Variants in MYO9B observed in about 807,000 individuals in gnomAD.
MYO9B encodes the protein unconventional myosin-IXb.
In MYO9B, 71 loss-of-function variants were observed where a neutral mutation model predicts 229.5. That is an observed-to-expected ratio of 0.31 (90% CI 0.26 to 0.38). The LOEUF (loss-of-function observed/expected upper bound fraction) is 0.38, where lower values mean the gene tolerates loss of function less well. Among genes scored for constraint, MYO9B ranks in the 10% least tolerant of loss-of-function variants. The pLI is 1.00. For synonymous variants in MYO9B, 1,185 were observed against 1,235.8 expected, an observed-to-expected ratio of 0.96 and a Z score of 0.86; for missense variants, 2,255 against 2,920.5, an observed-to-expected ratio of 0.77 and a Z score of 5.25.
At chr19:17,154,294 A>G (rs748012862) in intron 5 of MYO9B, 21 bp from the exon 6 acceptor site, 13 of 1,606,132 alleles carry the variant, frequency 8.1e-6, no homozygotes, top group South Asian at 1.1e-5. Flanking sequence ...TGCCCAGAGT[A>G]CCCATGCCTT....
intron 1 of MYO9B, among the ~76,000 whole-genome samples, chr19:17,098,933 C>CAA (rs1216087632): frequency 7.5e-4 from 49 of 65,688 alleles, no homozygotes; most frequent in African/African-American, 2.4e-3. Context: ...AAGACCCTGA[C>CAA]AAAAAAAAAA....
At chr19:17,210,250 G>T in intron 36 of MYO9B, 83 bp from the exon 37 acceptor site, 1 of 1,387,254 alleles carries the variant, frequency 7.2e-7, no homozygotes. Flanking sequence ...CCCTATCTTG[G>T]TACCGGTCAT....
At chr19:17,165,080 G>A (rs1320990216) in intron 10 of MYO9B, among the ~76,000 whole-genome samples, 1 of 152,088 alleles carries the variant, frequency 6.6e-6, no homozygotes, top group African/African-American at 2.4e-5. Flanking sequence ...ATGTTGCCCA[G>A]GCTGGTCCTG....
At position 17,209,668 on chromosome 19, in the gene MYO9B, A is replaced by C. The variant is rs768812015; in HGVS notation, c.5707A>C (p.Ser1903Arg). ...GATCAGCCAACTGGAGGCTGCAGAG[A>C]GTATCGCCTTCCGCAGGCTTTCGCT... ...EEISQLEAAE[S>R]IAFRRLSLLR... Residue 1903 changes from serine (S) to arginine (R), a missense_variant, in exon 36 of 40, where the codon AGT becomes CGT. This residue lies in a region of MYO9B where 416 missense variants were observed against 605.5 expected (regional missense o/e 0.69). Coordinates refer to ENST00000682292, the MANE Select transcript of MYO9B (RefSeq NM_004145.4). 4 of 1,613,058 alleles carry C rather than the reference A, an allele frequency of 2.5e-6. No individual in the cohort carries two copies. In the East Asian group the frequency reaches 8.9e-5, roughly 36 times the overall value.
intron 4 of MYO9B, 59 bp downstream of exon 4, chr19:17,152,765 AC>A: frequency 1.4e-6 from 2 of 1,441,686 alleles, no homozygotes; most frequent in Non-Finnish European, 1.9e-6. Flanking sequence ...GTTTCCTCCT[AC>A]AGAGGAGAGA....
rs188749358 is a variant in MYO9B at position 17,084,829 on chromosome 19, C to T, written c.-59+8955C>T. Reference sequence around the variant, plus strand: ...CTGAGGCAAAACAATCGCTTGAACCCGGGAGGTGGAGGTTGCAGTGAGCCA... The same window carrying T: ...CTGAGGCAAAACAATCGCTTGAACCTGGGAGGTGGAGGTTGCAGTGAGCCA... On this transcript the variant is annotated intron_variant, in intron 1 of 39. Transcript: ENST00000682292. 7.9e-5 allele frequency among the ~76,000 whole-genome samples: 12 copies of T among 151,934 alleles called. No homozygotes were observed. In the East Asian group the frequency reaches 1.6e-3, roughly 20 times the overall value.
chr19:17,179,184 A>G (rs1228485441), intron 14 of MYO9B, among the ~76,000 whole-genome samples: 1 of 152,070 alleles, frequency 6.6e-6, no homozygotes, highest in East Asian at 1.9e-4. Flanking sequence ...CCCCCAAGTC[A>G]TGGCAACCAC....
chr19:17,168,799 C>T (rs991932123), intron 11 of MYO9B, among the ~76,000 whole-genome samples: 35 of 151,680 alleles, frequency 2.3e-4, no homozygotes, highest in African/African-American at 7.1e-4. Flanking sequence ...ACAGGATTGG[C>T]GAGTTGTTAC....
intron 1 of MYO9B, among the ~76,000 whole-genome samples, chr19:17,090,109 G>GCTTC (rs1211223762): frequency 2.4e-5 from 3 of 124,246 alleles, no homozygotes; most frequent in African/African-American, 6.1e-5. Context: ...ATGAATCGGT[G>GCTTC]CTTCCTTCCT....
chr19:17,087,540 C>CA (rs1406226903), intron 1 of MYO9B, among the ~76,000 whole-genome samples: 10 of 152,310 alleles, frequency 6.6e-5, no homozygotes, highest in Admixed American at 2.6e-4. Flanking sequence ...CTGAGTGTTC[C>CA]ACTCAAGGTG....
At chr19:17,131,865 ATTT>A (rs2072200555) in intron 2 of MYO9B, among the ~76,000 whole-genome samples, 1 of 133,508 alleles carries the variant, frequency 7.5e-6, no homozygotes, top group Non-Finnish European at 1.6e-5. Flanking sequence ...GGTTTTTAAA[ATTT>A]TTCTTTAATT....
chr19:17,187,829 TG>T, intron 18 of MYO9B, 105 bp from the exon 19 acceptor site: 1 of 891,708 alleles, frequency 1.1e-6, no homozygotes, highest in Non-Finnish European at 1.7e-6. Context: ...AGTGGTCGCA[TG>T]GGGAAGTGCC....
intron 2 of MYO9B, among the ~76,000 whole-genome samples, chr19:17,129,066 A>G (rs1198165670): frequency 2.0e-5 from 3 of 152,028 alleles, no homozygotes; most frequent in Non-Finnish European, 2.9e-5. Flanking sequence ...AGGGGGGTGG[A>G]GGCTTCACCC....
At chr19:17,206,650 C>A in intron 33 of MYO9B, 29 bp from the exon 34 acceptor site, 1 of 1,540,668 alleles carries the variant, frequency 6.5e-7, no homozygotes, top group Non-Finnish European at 8.8e-7. Flanking sequence ...CCCTTGGGAG[C>A]TGACGTCCTC....
At chr19:17,156,833 G>A (rs1282795599) in intron 6 of MYO9B, 76 bp from the exon 7 acceptor site, 1 of 1,507,844 alleles carries the variant, frequency 6.6e-7, no homozygotes, top group African/African-American at 1.4e-5. Flanking sequence ...TATGGATTCA[G>A]CCCGGTTCCC....
intron 1 of MYO9B, among the ~76,000 whole-genome samples, chr19:17,090,852 TC>T (rs1411017790): frequency 1.3e-5 from 2 of 152,168 alleles, no homozygotes; most frequent in African/African-American, 4.8e-5. Context: ...CACAGGGACT[TC>T]AGGTCCCTGG....
intron 20 of MYO9B, 145 bp downstream of exon 20, chr19:17,191,364 T>C (rs959089366): frequency 7.9e-6 from 9 of 1,143,674 alleles, no homozygotes; most frequent in Non-Finnish European, 9.5e-6. Context: ...AGCAGAGCAC[T>C]GCACCTAAGG....
intron 15 of MYO9B, 148 bp from the exon 16 acceptor site, chr19:17,183,681 C>T (rs564560242): frequency 1.6e-5 from 10 of 631,978 alleles, no homozygotes; most frequent in Admixed American, 5.9e-5. Context: ...GGAGAGGTGG[C>T]GGTGGCCTTG....
At position 17,211,639 on chromosome 19, in the gene MYO9B, T is replaced by TC; in HGVS notation, c.5931-6dup. 3 of 1,591,942 alleles carry TC rather than the reference T, an allele frequency of 1.9e-6. No homozygotes were observed. Among genetic ancestry groups the TC allele is most frequent in the Non-Finnish European group, 2.6e-6 (3 of 1,169,274 alleles). ...TGGCCTTGGACACCACTACCCTTTT[T>TC]CCTCCAGGGAGGACATCACCTACCG... On this transcript the variant is annotated splice_polypyrimidine_tract_variant and splice_region_variant and intron_variant, in intron 38 of 39. Transcript: ENST00000682292.
Sources: allele counts gnomAD v4.1 joint callset (sites outside exome capture counted in the v4.1 genomes callset), GRCh38; gene constraint gnomAD v4.1.1; regional missense constraint gnomAD v4.1.1; transcripts MANE v1.5; gene names NCBI Gene and HGNC (gene_info 2026-07-23, HGNC 2026-07-21).